EPHA6: variants seen among roughly 807,000 people sequenced by gnomAD.
EPHA6 encodes the protein ephrin type-A receptor 6.
A neutral mutation model predicts 112.0 loss-of-function variants in EPHA6; 50 were observed. The observed-to-expected ratio is 0.45, with a 90% CI of 0.36 to 0.56. The LOEUF is 0.56. Among genes scored for constraint, EPHA6 ranks in the 20% least tolerant of loss-of-function variants. The probability of loss-of-function intolerance (pLI) is 0.00; values close to 1 mark genes in which losing one functional copy is unlikely to be tolerated. For missense variants in EPHA6, 1,280 were observed against 1,417.4 expected, an observed-to-expected ratio of 0.90 and a Z score of 1.56; for synonymous variants, 529 against 490.7, an observed-to-expected ratio of 1.08 and a Z score of -1.03.
chr3:97,247,598 C>A (rs1365754577), intron 5 of EPHA6, among the ~76,000 whole-genome samples: 2 of 151,730 alleles, frequency 1.3e-5, no homozygotes, highest in Admixed American at 1.3e-4. Flanking sequence ...TAGAAGGAAC[C>A]AGGCAAAAGT....
chr3:97,100,643 A>G (rs1288802466), intron 3 of EPHA6, among the ~76,000 whole-genome samples: 1 of 151,922 alleles, frequency 6.6e-6, no homozygotes, highest in East Asian at 1.9e-4. Context: ...AGTAGGAACA[A>G]GACAGGATAA....
intron 11 of EPHA6, among the ~76,000 whole-genome samples, chr3:97,568,157 C>T (rs977419762): frequency 1.3e-5 from 2 of 152,138 alleles, no homozygotes; most frequent in East Asian, 3.9e-4. Context: ...GGATAAGTCT[C>T]TTAATAGCGA....
chr3:97,230,718 A>T (rs978126353), intron 4 of EPHA6, among the ~76,000 whole-genome samples: 1 of 152,212 alleles, frequency 6.6e-6, no homozygotes, highest in Non-Finnish European at 1.5e-5. Context: ...CTAGGGAATG[A>T]GTAAATCTCA....
At chr3:97,560,262 CT>C (rs2107155212) in intron 11 of EPHA6, among the ~76,000 whole-genome samples, 1 of 151,820 alleles carries the variant, frequency 6.6e-6, no homozygotes, top group East Asian at 1.9e-4. Context: ...GCAAAGTGCC[CT>C]GAGAACGATT....
intron 3 of EPHA6, among the ~76,000 whole-genome samples, chr3:97,089,093 A>C (rs2046989823): frequency 6.6e-6 from 1 of 152,120 alleles, no homozygotes; most frequent in South Asian, 2.1e-4. Context: ...GCCAGGAGAG[A>C]CACTAATGTG....
chr3:96,827,114 T>C (rs1280008421), intron 1 of EPHA6, among the ~76,000 whole-genome samples: 4 of 152,196 alleles, frequency 2.6e-5, no homozygotes, highest in Admixed American at 1.3e-4. Context: ...AGCATTTACA[T>C]GGATGGAGGC....
rs1054925359 is a variant in EPHA6 at position 97,371,238 on chromosome 3, T to C, written c.1607-33912T>C. ...AATTTACTTCTTAAAGGTAAGTATA[T>C]AGACAAAGATGTTGAGAAAGTCAAC... On this transcript the variant is annotated intron_variant, in intron 5 of 17. Coordinates refer to ENST00000389672, the MANE Select transcript of EPHA6 (RefSeq NM_001080448.3). Among the ~76,000 whole-genome samples, 5 of 152,268 alleles carry C rather than the reference T, an allele frequency of 3.3e-5. No individual in the cohort carries two copies. The South Asian group carries it at 6.2e-4, about 19-fold the overall frequency.
At chr3:96,825,850 T>C (rs2033624448) in intron 1 of EPHA6, among the ~76,000 whole-genome samples, 1 of 151,812 alleles carries the variant, frequency 6.6e-6, no homozygotes, top group African/African-American at 2.4e-5. Context: ...ATGGTCCTTC[T>C]TCCCATATAT....
chr3:96,961,729 C>G (rs573585734), intron 2 of EPHA6, among the ~76,000 whole-genome samples: 3 of 152,180 alleles, frequency 2.0e-5, no homozygotes, highest in Non-Finnish European at 4.4e-5. Flanking sequence ...ATCCTACTTA[C>G]CACCAGCAGT....
chr3:96,921,072 A>T (rs2039735420), intron 2 of EPHA6, among the ~76,000 whole-genome samples: 1 of 152,014 alleles, frequency 6.6e-6, no homozygotes, highest in Non-Finnish European at 1.5e-5. Flanking sequence ...GACCAATTAC[A>T]TTATACTTTA....
chr3:97,570,286 G>C (rs186696839), intron 11 of EPHA6, among the ~76,000 whole-genome samples: 6 of 152,264 alleles, frequency 3.9e-5, no homozygotes, highest in African/African-American at 9.6e-5. Flanking sequence ...ATTGGAACAG[G>C]CTAGAAGACA....
intron 6 of EPHA6, among the ~76,000 whole-genome samples, chr3:97,442,505 G>A (rs1392509205): frequency 6.6e-6 from 1 of 152,108 alleles, no homozygotes; most frequent in East Asian, 1.9e-4. Context: ...AGAATCGCTT[G>A]AACCACAGAG....
chr3:97,623,278 A>G (rs1296225956), intron 13 of EPHA6, among the ~76,000 whole-genome samples: 2 of 151,576 alleles, frequency 1.3e-5, no homozygotes, highest in South Asian at 2.1e-4. Flanking sequence ...GTTAATTTTT[A>G]CATATGTTTT....
At chr3:97,455,399 G>A (rs1240575489) in intron 7 of EPHA6, among the ~76,000 whole-genome samples, 1 of 151,992 alleles carries the variant, frequency 6.6e-6, no homozygotes, top group African/African-American at 2.4e-5. Context: ...GTACCCACAG[G>A]TAGTAAGCAT....
At chr3:96,817,691 A>C (rs2032907829) in intron 1 of EPHA6, among the ~76,000 whole-genome samples, 1 of 152,024 alleles carries the variant, frequency 6.6e-6, no homozygotes, top group African/African-American at 2.4e-5. Context: ...AATGTTATAT[A>C]TCTGTTTTAC....
intron 5 of EPHA6, among the ~76,000 whole-genome samples, chr3:97,342,609 T>C (rs538730096): frequency 6.6e-6 from 1 of 152,328 alleles, no homozygotes; most frequent in South Asian, 2.1e-4. Context: ...TGTGATAGTA[T>C]TTCCAGATGG....
At chr3:96,955,412 T>C (rs1325012645) in intron 2 of EPHA6, among the ~76,000 whole-genome samples, 13 of 152,202 alleles carry the variant, frequency 8.5e-5, no homozygotes. Context: ...TCAGTATCCA[T>C]GCAAGGGATA....
At chr3:97,723,979 T>A (rs2034643160) in intron 15 of EPHA6, among the ~76,000 whole-genome samples, 1 of 152,162 alleles carries the variant, frequency 6.6e-6, no homozygotes, top group Non-Finnish European at 1.5e-5. Flanking sequence ...TTCTCATTTA[T>A]TTGATCAAAA....
chr3:96,945,296 C>A (rs2041195721), intron 2 of EPHA6, among the ~76,000 whole-genome samples: 1 of 152,130 alleles, frequency 6.6e-6, no homozygotes, highest in East Asian at 1.9e-4. Flanking sequence ...CCTGTATAGA[C>A]CTGTGCTGTT....
Sources: gnomAD v4.1 joint callset for allele counts (sites outside exome capture counted in the v4.1 genomes callset) on GRCh38, gnomAD v4.1.1 for gene constraint, MANE v1.5 for transcripts, NCBI Gene and HGNC (gene_info 2026-07-23, HGNC 2026-07-21) for gene names.